The following MGAT4A variants were observed in gnomAD, a reference collection of about 807,000 sequenced individuals.
The protein encoded by MGAT4A is N-acetylglucosaminyltransferase IVa.
MGAT4A carries 33 observed loss-of-function variants against 74.1 expected under a neutral mutation model. That is an observed-to-expected ratio of 0.45 (90% CI 0.34 to 0.60). The LOEUF (loss-of-function observed/expected upper bound fraction) is 0.60. Among genes scored for constraint, MGAT4A ranks in the 20% least tolerant of loss-of-function variants. The pLI is 0.02. For synonymous variants in MGAT4A, 198 were observed against 210.4 expected (o/e 0.94, Z 0.51); for missense variants, 479 against 628.3 (o/e 0.76, Z 2.54).
chr2:98,656,028 T>A (rs1273167187), intron 7 of MGAT4A: 3 of 267,602 alleles, frequency 1.1e-5, no homozygotes, highest in Non-Finnish European at 2.1e-5. Context: ...CACAAATAGG[T>A]ACTGAATGCT....
intron 6 of MGAT4A, among the ~76,000 whole-genome samples, chr2:98,656,749 A>G (rs769600832): frequency 1.2e-4 from 19 of 152,104 alleles, no homozygotes; most frequent in Non-Finnish European, 2.2e-4. Flanking sequence ...TGCAGGCATT[A>G]ACGTTCCTAA....
At chr2:98,630,461 G>A (rs768001531) in intron 14 of MGAT4A, among the ~76,000 whole-genome samples, 1 of 152,088 alleles carries the variant, frequency 6.6e-6, no homozygotes, top group Non-Finnish European at 1.5e-5. Flanking sequence ...TGAAGGAGAA[G>A]AGAAGCTATT....
chr2:98,708,738 ACTGGTTGTTTAACCAT>A (rs1335843632), intron 2 of MGAT4A, among the ~76,000 whole-genome samples: 1 of 152,254 alleles, frequency 6.6e-6, no homozygotes, highest in Non-Finnish European at 1.5e-5. Context: ...CAACAGTTAA[ACTGGTTGTTTAACCAT>A]CAGGTTAAAC....
At chr2:98,643,812 G>A in intron 10 of MGAT4A, 111 bp downstream of exon 10, 4 of 1,089,934 alleles carry the variant, frequency 3.7e-6, no homozygotes, top group Non-Finnish European at 4.9e-6. Context: ...GCTCAGGAAA[G>A]AAGTTTTATA....
At chr2:98,645,358 G>A (rs1701469161) in intron 9 of MGAT4A, 70 bp downstream of exon 9, 1 of 1,157,092 alleles carries the variant, frequency 8.6e-7, no homozygotes, top group African/African-American at 1.6e-5. Flanking sequence ...AGGACAAGTA[G>A]CTACTTGGTT....
At chr2:98,659,230 C>T (rs1424953827) in intron 5 of MGAT4A, among the ~76,000 whole-genome samples, 1 of 152,108 alleles carries the variant, frequency 6.6e-6, no homozygotes, top group Non-Finnish European at 1.5e-5. Flanking sequence ...TGTCAAAGAC[C>T]GTGAAATTGG....
intron 2 of MGAT4A, among the ~76,000 whole-genome samples, chr2:98,720,263 G>A (rs964816768): frequency 2.6e-5 from 4 of 152,214 alleles, no homozygotes; most frequent in African/African-American, 9.7e-5. Context: ...GATGAGATTA[G>A]TATTTGAATC....
chr2:98,706,256 A>G (rs1212195695), intron 2 of MGAT4A, among the ~76,000 whole-genome samples: 1 of 152,224 alleles, frequency 6.6e-6, no homozygotes, highest in Non-Finnish European at 1.5e-5. Context: ...GAATCTTGCT[A>G]GGAACTAGAG....
At chr2:98,643,246 A>G (rs999508102) in intron 10 of MGAT4A, among the ~76,000 whole-genome samples, 2 of 152,146 alleles carry the variant, frequency 1.3e-5, no homozygotes, top group Non-Finnish European at 2.9e-5. Context: ...CTTGTCCTGA[A>G]CTTCTGGGCT....
intron 5 of MGAT4A, among the ~76,000 whole-genome samples, chr2:98,660,457 C>CACACA (rs1359333265): frequency 1.1e-4 from 15 of 141,766 alleles, no homozygotes; most frequent in Non-Finnish European, 2.3e-4. Context: ...CACACACACA[C>CACACA]AACAAATAGC....
At chr2:98,667,892 G>C (rs1407427907) in intron 4 of MGAT4A, among the ~76,000 whole-genome samples, 3 of 152,036 alleles carry the variant, frequency 2.0e-5, no homozygotes, top group East Asian at 3.9e-4. Context: ...GATAAGTTTT[G>C]TATTTTTAGT....
intron 10 of MGAT4A, among the ~76,000 whole-genome samples, chr2:98,641,189 T>A (rs1162618478): frequency 1.4e-5 from 2 of 145,614 alleles, no homozygotes; most frequent in Admixed American, 6.7e-5. Flanking sequence ...TTACAAAAGT[T>A]TGGGGCCAAA....
At chr2:98,653,247 C>A (rs1701607503) in intron 8 of MGAT4A, among the ~76,000 whole-genome samples, 1 of 143,966 alleles carries the variant, frequency 6.9e-6, no homozygotes, top group Non-Finnish European at 1.5e-5. Context: ...CTAACTTCAA[C>A]CTCAAGGAAA....
At chr2:98,700,575 TATTTAAAATTC>T (rs1702340996) in intron 2 of MGAT4A, among the ~76,000 whole-genome samples, 1 of 152,116 alleles carries the variant, frequency 6.6e-6, no homozygotes, top group African/African-American at 2.4e-5. Flanking sequence ...TTTAAAGATG[TATTTAAAATTC>T]ATTTAAAAGT....
Position 98,622,479 on chromosome 2 carries a change from T to C in MGAT4A, c.*3087A>G. 1.0e-6 allele frequency: 1 copy of C among 985,488 alleles called. No individual in the cohort carries two copies. The highest frequency in any genetic ancestry group is 1.2e-6 in the Non-Finnish European group (1 of 829,944). 61.0% of individuals were successfully genotyped at this position (985,488 alleles called of 1,614,324 possible). A position where few individuals can be genotyped will look rare whatever the true frequency, so the allele number is the denominator to read the frequency against. On this transcript the variant is annotated 3_prime_UTR_variant, in exon 16 of 16. Coordinates refer to ENST00000393487, the MANE Select transcript of MGAT4A (RefSeq NM_012214.3). ...AACCTTTGACACTTTTTCCATTTAC[T>C]ATTTTGGTAAAATGATTCGGCGCCC... is the stretch of plus-strand genomic sequence containing the variant.
At chr2:98,678,073 CA>C (rs1467997200) in intron 3 of MGAT4A, among the ~76,000 whole-genome samples, 1 of 149,848 alleles carries the variant, frequency 6.7e-6, no homozygotes, top group Non-Finnish European at 1.5e-5. Flanking sequence ...ACTAATAATA[CA>C]AAAAAATTAG....
chr2:98,716,878 T>C (rs549512633), intron 2 of MGAT4A, among the ~76,000 whole-genome samples: 1 of 152,344 alleles, frequency 6.6e-6, no homozygotes, highest in African/African-American at 2.4e-5. Flanking sequence ...ATAGTTGTTA[T>C]ACTGTGTTTT....
At chr2:98,641,979 G>A (rs1179162622) in intron 10 of MGAT4A, among the ~76,000 whole-genome samples, 5 of 144,914 alleles carry the variant, frequency 3.5e-5, no homozygotes, top group African/African-American at 1.3e-4. Flanking sequence ...TGGGTGACAA[G>A]AGCAAAACTC....
At chr2:98,643,252 G>C (rs1701438451) in intron 10 of MGAT4A, among the ~76,000 whole-genome samples, 1 of 151,908 alleles carries the variant, frequency 6.6e-6, no homozygotes, top group Non-Finnish European at 1.5e-5. Flanking sequence ...CTGAACTTCT[G>C]GGCTCAAGTG....
Sources: gnomAD v4.1 joint callset for allele counts (sites outside exome capture counted in the v4.1 genomes callset) on GRCh38, gnomAD v4.1.1 for gene constraint, MANE v1.5 for transcripts, NCBI Gene and HGNC (gene_info 2026-07-23, HGNC 2026-07-21) for gene names.